Variants in UGT1A10 observed in about 807,000 individuals in gnomAD.
UGT1A10 encodes UDP-glucuronosyltransferase 1A10.
UGT1A10 carries 49 observed loss-of-function variants against 45.8 expected under a neutral mutation model. That is an observed-to-expected ratio of 1.07 (90% CI 0.85 to 1.36). The LOEUF is 1.36. Ranked by LOEUF, UGT1A10 falls within the 40% of genes most tolerant of loss-of-function variation. The pLI, the probability that UGT1A10 is intolerant of heterozygous loss-of-function variation, is 0.00. For synonymous variants in UGT1A10, 284 were observed against 249.7 expected (o/e 1.14, Z -1.29); for missense variants, 745 against 668.6 (o/e 1.11, Z -1.26).
chr2:233,654,542 T>C (rs2073812705), intron 1 of UGT1A10, among the ~76,000 whole-genome samples: 1 of 152,260 alleles, frequency 6.6e-6, no homozygotes, highest in Admixed American at 6.5e-5. Flanking sequence ...GTTGATTATA[T>C]ATTCATAATT....
chr2:233,760,308 C>G (rs780253764), intron 1 of UGT1A10: 1 of 1,613,678 alleles, frequency 6.2e-7, no homozygotes. Flanking sequence ...AGTCCCAGGG[C>G]GGACGCCCAC....
At chr2:233,760,316 C>T in intron 1 of UGT1A10, 1 of 1,614,002 alleles carries the variant, frequency 6.2e-7, no homozygotes, top group South Asian at 1.1e-5. Flanking sequence ...GGCGGACGCC[C>T]ACTTGTCCTG....
At chr2:233,655,460 G>A (rs892144613) in intron 1 of UGT1A10, among the ~76,000 whole-genome samples, 7 of 152,164 alleles carry the variant, frequency 4.6e-5, no homozygotes, top group Non-Finnish European at 7.3e-5. Context: ...GAAGGGGCAC[G>A]ACTTAAGGAG....
chr2:233,678,591 T>G (rs1325807860), intron 1 of UGT1A10, among the ~76,000 whole-genome samples: 1 of 152,238 alleles, frequency 6.6e-6, no homozygotes, highest in Non-Finnish European at 1.5e-5. Flanking sequence ...TTGCTTTAGT[T>G]TCAGTGCCCA....
intron 1 of UGT1A10, among the ~76,000 whole-genome samples, chr2:233,735,578 G>A (rs576016505): frequency 1.6e-4 from 25 of 152,112 alleles, no homozygotes; most frequent in Non-Finnish European, 2.9e-4. Context: ...TATTTTGCCC[G>A]TTAATTGATG....
rs747443609 is a variant in UGT1A10 at position 233,768,266 on chromosome 2, T to C, written c.1122T>C (p.Gly374=). 6.8e-6 allele frequency: 11 copies of C among 1,614,024 alleles called. No individual in the cohort carries two copies. Among genetic ancestry groups the C allele is most frequent in the Non-Finnish European group, 9.3e-6 (11 of 1,180,038 alleles). ...TTATCACCCATGCTGGTTCCCATGG[T>C]GTTTATGAAAGCATATGCAATGGCG... is the stretch of plus-strand genomic sequence containing the variant. The part of the protein sequence containing the change: ...RAFITHAGSH[G]VYESICNGVP... The change falls in exon 4 of 5, where the codon GGT becomes GGC. Residue 374 remains glycine, a synonymous_variant. Coordinates refer to ENST00000344644, the MANE Select transcript of UGT1A10 (RefSeq NM_019075.4).
At chr2:233,645,448 A>G (rs993667569) in intron 1 of UGT1A10, among the ~76,000 whole-genome samples, 3 of 152,206 alleles carry the variant, frequency 2.0e-5, no homozygotes, top group Non-Finnish European at 2.9e-5. Flanking sequence ...CCACAGTTCA[A>G]CGTCTCATCT....
chr2:233,713,198 C>G lies in UGT1A10; in HGVS notation c.856-53836C>G, dbSNP rs540897333. ...TCACCCTGGAGGTGAATATGTACAT[C>G]AAAGAAGAGAACTTTTTCACCCTGA... On this transcript the variant is annotated intron_variant, in intron 1 of 4. Transcript: ENST00000344644. 1.4e-5 allele frequency: 23 copies of G among 1,614,218 alleles called. 1 individual carries two copies. The highest frequency in any genetic ancestry group is 1.2e-4 in the African/African-American group (9 of 75,058).
chr2:233,724,149 C>T (rs1483469829), intron 1 of UGT1A10, among the ~76,000 whole-genome samples: 2 of 117,102 alleles, frequency 1.7e-5, no homozygotes, highest in Non-Finnish European at 3.4e-5. Context: ...GGCGGCTGGC[C>T]GGGTGGGGGG....
intron 1 of UGT1A10, among the ~76,000 whole-genome samples, chr2:233,728,333 C>G (rs2077701109): frequency 6.6e-6 from 1 of 152,198 alleles, no homozygotes; most frequent in Non-Finnish European, 1.5e-5. Context: ...CCAGCTCCCC[C>G]AGTCCCTTGG....
chr2:233,766,201 G>C (rs544565545), intron 1 of UGT1A10, among the ~76,000 whole-genome samples: 1 of 152,254 alleles, frequency 6.6e-6, no homozygotes, highest in East Asian at 1.9e-4. Flanking sequence ...CTCAGCAGAT[G>C]GGGGAAGCCA....
At chr2:233,657,102 A>G (rs939250818) in intron 1 of UGT1A10, among the ~76,000 whole-genome samples, 4 of 152,054 alleles carry the variant, frequency 2.6e-5, no homozygotes, top group Non-Finnish European at 4.4e-5. Flanking sequence ...ACCCAACACA[A>G]TACACCGTCT....
At chr2:233,658,483 A>G (rs2073901565) in intron 1 of UGT1A10, among the ~76,000 whole-genome samples, 1 of 152,210 alleles carries the variant, frequency 6.6e-6, no homozygotes, top group Non-Finnish European at 1.5e-5. Context: ...ACCAAATGAC[A>G]TTTAGCCCAT....
chr2:233,732,205 G>A (rs1179659019), intron 1 of UGT1A10, among the ~76,000 whole-genome samples: 1 of 152,068 alleles, frequency 6.6e-6, no homozygotes, highest in East Asian at 1.9e-4. Context: ...TTGTCAGATG[G>A]GTAGATTGCA....
chr2:233,656,740 G>A (rs951711507), intron 1 of UGT1A10, among the ~76,000 whole-genome samples: 5 of 152,138 alleles, frequency 3.3e-5, no homozygotes, highest in Non-Finnish European at 5.9e-5. Context: ...TCCCGTCGTG[G>A]CTGTGACTCA....
At chr2:233,764,686 A>G (rs1297996810) in intron 1 of UGT1A10, among the ~76,000 whole-genome samples, 1 of 152,166 alleles carries the variant, frequency 6.6e-6, no homozygotes, top group African/African-American at 2.4e-5. Context: ...GAACTTGAAG[A>G]GCACTTGGAA....
intron 1 of UGT1A10, among the ~76,000 whole-genome samples, chr2:233,726,499 G>A (rs2077536010): frequency 6.6e-6 from 1 of 151,996 alleles, no homozygotes; most frequent in Non-Finnish European, 1.5e-5. Context: ...TATTAATTTT[G>A]GAATTTCATG....
chr2:233,698,830 G>A (rs2075465152), intron 1 of UGT1A10, among the ~76,000 whole-genome samples: 1 of 152,226 alleles, frequency 6.6e-6, no homozygotes. Context: ...GAGTAAGGCA[G>A]GATCACTTCC....
At chr2:233,701,272 C>G (rs2075620073) in intron 1 of UGT1A10, among the ~76,000 whole-genome samples, 2 of 152,054 alleles carry the variant, frequency 1.3e-5, no homozygotes, top group Admixed American at 1.3e-4. Flanking sequence ...ATTTCTAGTT[C>G]TAGATCCTTG....
Sources: allele counts gnomAD v4.1 joint callset (sites outside exome capture counted in the v4.1 genomes callset), GRCh38; gene constraint gnomAD v4.1.1; transcripts MANE v1.5; gene names NCBI Gene and HGNC (gene_info 2026-07-23, HGNC 2026-07-21).